SLC47A1: variants seen among roughly 807,000 people sequenced by gnomAD.
The protein encoded by SLC47A1 is multidrug and toxin extrusion protein 1.
SLC47A1 carries 58 observed loss-of-function variants against 65.8 expected under a neutral mutation model. The ratio of observed to expected loss-of-function variants is 0.88; its 90% CI spans 0.71 to 1.10. The LOEUF (loss-of-function observed/expected upper bound fraction) is 1.10. Ranked by LOEUF, SLC47A1 falls within the 50% of genes least tolerant of loss-of-function variation. SLC47A1 has a pLI of 0.00. For missense variants in SLC47A1, 706 were observed against 719.2 expected, an observed-to-expected ratio of 0.98 and a Z score of 0.21; for synonymous variants, 285 against 295.0, an observed-to-expected ratio of 0.97 and a Z score of 0.35.
At chr17:19,547,194 G>A (rs76316395) in intron 3 of SLC47A1, among the ~76,000 whole-genome samples, 8,035 of 152,156 alleles carry the variant, frequency 0.053, 308 homozygotes, top group East Asian at 0.18. Flanking sequence ...TGGTATTACA[G>A]GCATGTGCCA....
chr17:19,538,612 C>T (rs1414565070), intron 1 of SLC47A1, among the ~76,000 whole-genome samples: 1 of 152,226 alleles, frequency 6.6e-6, no homozygotes, highest in Non-Finnish European at 1.5e-5. Flanking sequence ...ACTTTGTGCT[C>T]CAAAGACAGT....
intron 10 of SLC47A1, among the ~76,000 whole-genome samples, chr17:19,559,308 C>A (rs762890629): frequency 2.0e-5 from 3 of 152,216 alleles, no homozygotes; most frequent in African/African-American, 4.8e-5. Flanking sequence ...TGTTTCCCTG[C>A]AGTTCCTTTA....
chr17:19,551,610 C>T (rs1373775372), intron 6 of SLC47A1, 142 bp downstream of exon 6: 12 of 723,940 alleles, frequency 1.7e-5, no homozygotes, highest in East Asian at 1.5e-4. Flanking sequence ...GATATTTTTT[C>T]AGTGTTGTGC....
Position 19,577,518 on chromosome 17 carries a change from G to T in SLC47A1, c.1678G>T (p.Gly560Trp). The T allele has an allele frequency of 6.2e-7, 1 of 1,614,142 alleles. No individual in the cohort carries two copies. The highest frequency in any genetic ancestry group is 8.5e-7 in the Non-Finnish European group (1 of 1,180,002). ...LLGVFLILLV[G>W]ILVRFYVRIQ Reference sequence around the variant, plus strand: ...GGGGGTCTTCTTAATCTTGCTGGTGGGGATTTTAGTGAGATTCTATGTCAG... The same window carrying T: ...GGGGGTCTTCTTAATCTTGCTGGTGTGGATTTTAGTGAGATTCTATGTCAG... Residue 560 changes from glycine (G) to tryptophan (W), a missense_variant, in exon 17 of 17, where the codon GGG becomes TGG. Gly to Trp is a radical substitution (Grantham distance 184). Coordinates refer to ENST00000270570, the MANE Select transcript of SLC47A1 (RefSeq NM_018242.3).
rs34710264 is a variant in SLC47A1, at chr17:19,547,347, C to CTTT, written c.307-622_307-620dup. Among the ~76,000 whole-genome samples, 53 of 115,044 alleles carry CTTT rather than the reference C, an allele frequency of 4.6e-4. 1 individual carries two copies. The highest frequency in any genetic ancestry group is 1.5e-3 in the African/African-American group (45 of 30,376). 75.5% of individuals were successfully genotyped at this position (115,044 alleles called of 152,430 possible). A position where few individuals can be genotyped will look rare whatever the true frequency, so the allele number is the denominator to read the frequency against. ...GCATGAGCCACAATGCCCAGCCTGG[C>CTTT]TTTTTTTTTTTTTTTTTTGAGATGG... On this transcript the variant is annotated intron_variant, in intron 3 of 16. Transcript: ENST00000270570.
intron 7 of SLC47A1, 124 bp downstream of exon 7, chr17:19,555,433 G>A: frequency 1.5e-6 from 2 of 1,298,466 alleles, no homozygotes; most frequent in East Asian, 2.3e-5. Flanking sequence ...CTTGCACACT[G>A]TGGAAAGCAC....
At chr17:19,565,861 G>A (rs966781878) in intron 12 of SLC47A1, among the ~76,000 whole-genome samples, 1 of 152,076 alleles carries the variant, frequency 6.6e-6, no homozygotes, top group Non-Finnish European at 1.5e-5. Context: ...AATTACAGGC[G>A]TGAGCCACCG....
intron 1 of SLC47A1, 53 bp from the exon 2 acceptor site, chr17:19,542,340 C>A: frequency 7.1e-7 from 1 of 1,412,482 alleles, no homozygotes; most frequent in Admixed American, 2.4e-5. Flanking sequence ...GGGCCCCAGG[C>A]TTCCCTGCAA....
chr17:19,565,512 C>T (rs2084348678), intron 12 of SLC47A1, among the ~76,000 whole-genome samples: 1 of 152,012 alleles, frequency 6.6e-6, no homozygotes, highest in Admixed American at 6.6e-5. Context: ...ATGCGGTAAC[C>T]CCTCTTTATC....
chr17:19,553,119 C>G (rs1290135996), intron 6 of SLC47A1, among the ~76,000 whole-genome samples: 1 of 151,920 alleles, frequency 6.6e-6, no homozygotes, highest in African/African-American at 2.4e-5. Flanking sequence ...GACAGGGCAA[C>G]CATTAGCTGA....
In SLC47A1 at chr17:19,549,617, T is replaced by C. The variant is rs572283323; in HGVS notation, c.456-18T>C. 11 of 1,613,790 alleles carry C rather than the reference T, an allele frequency of 6.8e-6. 1 individual carries two copies. The Admixed American group carries it at 1.8e-4, about 27-fold the overall frequency. ...CCTCCATCACAGTTTTTGTTTTCTT[T>C]TTCTTTTCGTTATTTAGGCTTACCC... On this transcript the variant is annotated intron_variant, in intron 4 of 16. Transcript: ENST00000270570.
At chr17:19,552,738 G>A (rs1380932364) in intron 6 of SLC47A1, among the ~76,000 whole-genome samples, 1 of 152,190 alleles carries the variant, frequency 6.6e-6, no homozygotes, top group Non-Finnish European at 1.5e-5. Flanking sequence ...AGGAAGGCAG[G>A]GGATCCTAGA....
At chr17:19,570,452 G>T (rs188655580) in intron 14 of SLC47A1, among the ~76,000 whole-genome samples, 11 of 152,326 alleles carry the variant, frequency 7.2e-5, no homozygotes, top group Admixed American at 5.9e-4. Context: ...GGGGATGCTG[G>T]AGGTGGCTGA....
At chr17:19,541,243 G>A (rs1306707380) in intron 1 of SLC47A1, among the ~76,000 whole-genome samples, 1 of 152,134 alleles carries the variant, frequency 6.6e-6, no homozygotes, top group Non-Finnish European at 1.5e-5. Flanking sequence ...TTCAGTGAGG[G>A]CCCCATGGGG....
At chr17:19,541,619 C>T (rs1916151358) in intron 1 of SLC47A1, among the ~76,000 whole-genome samples, 1 of 152,160 alleles carries the variant, frequency 6.6e-6, no homozygotes, top group South Asian at 2.1e-4. Flanking sequence ...AGTCCGGATC[C>T]CGCTGGGACT....
Position 19,549,620 on chromosome 17 carries a change from C to A in SLC47A1, c.456-15C>A, listed in dbSNP as rs746869028. 1 of 1,613,640 alleles carries A rather than the reference C, an allele frequency of 6.2e-7. No individual in the cohort carries two copies. The highest frequency in any genetic ancestry group is 1.1e-5 in the South Asian group (1 of 91,034). ...CCATCACAGTTTTTGTTTTCTTTTT[C>A]TTTTCGTTATTTAGGCTTACCCAGA... On this transcript the variant is annotated splice_polypyrimidine_tract_variant and intron_variant, in intron 4 of 16. Coordinates refer to ENST00000270570, the MANE Select transcript of SLC47A1 (RefSeq NM_018242.3).
intron 4 of SLC47A1, 136 bp downstream of exon 4, chr17:19,548,269 T>TA: frequency 9.5e-7 from 1 of 1,052,610 alleles, no homozygotes; most frequent in Middle Eastern, 2.9e-4. Context: ...GTCTCCTAGG[T>TA]CTTAGTACTT....
chr17:19,576,449 C>G (rs2084440885), intron 16 of SLC47A1, among the ~76,000 whole-genome samples: 1 of 149,810 alleles, frequency 6.7e-6, no homozygotes. Flanking sequence ...ATCCTGGGCT[C>G]AAGTGATCCT....
At chr17:19,548,834 T>C (rs542122306) in intron 4 of SLC47A1, among the ~76,000 whole-genome samples, 9 of 152,178 alleles carry the variant, frequency 5.9e-5, no homozygotes, top group Non-Finnish European at 1.2e-4. Flanking sequence ...TATCGGTATC[T>C]TTCAAAGCAC....
Sources: allele counts gnomAD v4.1 joint callset (sites outside exome capture counted in the v4.1 genomes callset), GRCh38; gene constraint gnomAD v4.1.1; transcripts MANE v1.5; gene names NCBI Gene and HGNC (gene_info 2026-07-23, HGNC 2026-07-21).